The following HOXA6 variants were observed in gnomAD, a reference collection of about 807,000 sequenced individuals.
HOXA6 encodes homeobox A6, also known as homeobox protein Hox-A6.
In HOXA6, 19 loss-of-function variants were observed where a neutral mutation model predicts 23.2. The ratio of observed to expected loss-of-function variants is 0.82; its 90% CI spans 0.57 to 1.20. HOXA6 has a LOEUF of 1.20. HOXA6 is among the 50% of genes most tolerant of loss of function. The pLI, the probability that HOXA6 is intolerant of heterozygous loss-of-function variation, is 0.00. For missense variants in HOXA6, 346 were observed against 313.6 expected (o/e 1.10, Z -0.78); for synonymous variants, 140 against 132.6 (o/e 1.06, Z -0.38).
rs759658560 is a variant in HOXA6, at chr7:27,147,516, A to G, written c.234T>C (p.Cys78=). The G allele has an allele frequency of 1.2e-6, 2 of 1,614,160 alleles. No individual in the cohort carries two copies. The highest frequency in any genetic ancestry group is 8.5e-7 in the Non-Finnish European group (1 of 1,180,042). ...NRASYEYGAS[C]FYSDKDLSGA... ...CACTGAGGTCCTTATCAGAATAGAAACACGAGGCCCCGTACTCGTAGGACG... is the reference window on the plus strand; with the variant it reads ...CACTGAGGTCCTTATCAGAATAGAAGCACGAGGCCCCGTACTCGTAGGACG... Residue 78 remains cysteine (C), a synonymous_variant, in exon 1 of 2, where the codon TGT becomes TGC. Coordinates refer to ENST00000222728, the MANE Select transcript of HOXA6 (RefSeq NM_024014.4).
intron 1 of HOXA6, chr7:27,147,014 CCTCT>C (rs938116188): frequency 2.1e-5 from 10 of 476,440 alleles, no homozygotes; most frequent in South Asian, 7.2e-5. Context: ...TCCCCACCAG[CCTCT>C]CTCTCTCTTC....
At chr7:27,147,043 A>G (rs1782792615) in intron 1 of HOXA6, 1 of 531,924 alleles carries the variant, frequency 1.9e-6, no homozygotes, top group Non-Finnish European at 3.3e-6. Flanking sequence ...TGTCCCTGTC[A>G]CAGGTCTCAT....
Position 27,145,884 on chromosome 7 carries a change from C to G in HOXA6, c.476G>C (p.Arg159Pro). 6.2e-7 allele frequency: 1 copy of G among 1,613,108 alleles called. No homozygotes were observed. The highest frequency in any genetic ancestry group is 8.5e-7 in the Non-Finnish European group (1 of 1,179,648). ...AVYGSHGRRG[R>P]QTYTRYQTLE... The stretch of plus-strand genomic sequence containing the variant: ...TGTCTGGTAGCGCGTGTAGGTCTGG[C>G]GGCCTCGGCGCCCATGGCTCCCATA... The change falls in exon 2 of 2, where the codon CGC (arginine) becomes CCC (proline). Residue 159 changes from arginine to proline, a missense_variant. Arg to Pro is a moderately radical substitution (Grantham distance 103). Coordinates refer to ENST00000222728, the MANE Select transcript of HOXA6 (RefSeq NM_024014.4).
Position 27,147,670 on chromosome 7 carries a change from A to T in HOXA6, c.80T>A (p.Leu27His). Residue 27 changes from leucine to histidine, a missense_variant, in exon 1 of 2, where the codon CTC becomes CAC. Coordinates refer to ENST00000222728, the MANE Select transcript of HOXA6 (RefSeq NM_024014.4). ...GQDSFLGQLP[L>H]YQAGYDALRP... ...CAGCGCGTCATAGCCAGCCTGGTAG[A>T]GGGGCAGCTGGCCCAAGAAGGAGTC... The T allele has an allele frequency of 6.2e-7, 1 of 1,614,052 alleles. No individual in the cohort carries two copies. Among genetic ancestry groups the T allele is most frequent in the Non-Finnish European group, 8.5e-7 (1 of 1,180,030 alleles).
Position 27,145,457 on chromosome 7 carries a change from GTTTTGTTTTGT to G in HOXA6, c.*190_*200del, listed in dbSNP as rs1163412691. 4.7e-6 allele frequency: 1 copy of G among 214,186 alleles called. No individual in the cohort carries two copies. Among genetic ancestry groups the G allele is most frequent in the Non-Finnish European group, 7.5e-6 (1 of 133,132 alleles). The allele number at this position is 214,186 out of a possible 1,614,324, so 13.3% of individuals were successfully genotyped here. On this transcript the variant is annotated 3_prime_UTR_variant, in exon 2 of 2. Coordinates refer to ENST00000222728, the MANE Select transcript of HOXA6 (RefSeq NM_024014.4). ...TTGGCTGTGTGTGAGGTTTTGTTTT[GTTTTGTTTTGT>G]TTTGTTTTGTTTTGTTTTGTTTTGT...
intron 1 of HOXA6, among the ~76,000 whole-genome samples, chr7:27,146,365 C>T (rs576323758): frequency 1.1e-4 from 16 of 152,026 alleles, no homozygotes; most frequent in African/African-American, 2.9e-4. Flanking sequence ...CCAGCCATGT[C>T]GGAACTCAAC....
In HOXA6 at chr7:27,145,602, G is replaced by T; in HGVS notation, c.*56C>A. The T allele has an allele frequency of 6.4e-7, 1 of 1,571,368 alleles. No homozygotes were observed. Among genetic ancestry groups the T allele is most frequent in the Non-Finnish European group, 8.6e-7 (1 of 1,159,240 alleles). ...GAGAAAAGTTGGGGAACAGGCGAGG[G>T]CAAGGGGGCAAAGCCGAAGGAGGTT... On this transcript the variant is annotated 3_prime_UTR_variant, in exon 2 of 2. Coordinates refer to ENST00000222728, the MANE Select transcript of HOXA6 (RefSeq NM_024014.4).
rs1782729018 is a variant in HOXA6, at chr7:27,145,589, G to C, written c.*69C>G. On this transcript the variant is annotated 3_prime_UTR_variant, in exon 2 of 2. Transcript: ENST00000222728. ...GGGAGCAGGCGGGGAGAAAAGTTGG[G>C]GAACAGGCGAGGGCAAGGGGGCAAA... 44 of 1,546,780 alleles carry C rather than the reference G, an allele frequency of 2.8e-5. No individual in the cohort carries two copies. The South Asian group carries it at 5.3e-4, about 19-fold the overall frequency.
Position 27,145,688 on chromosome 7 carries a change from C to T in HOXA6, c.672G>A (p.Gly224=), listed in dbSNP as rs1256656779. ...NKLINSTQPS[G]EDSEAKAGE ...CGCCCGCCTTTGCCTCTGAGTCCTC[C>T]CCGCTGGGCTGCGTGGAATTGATGA... Residue 224 remains glycine, a synonymous_variant, in exon 2 of 2, where the codon GGG becomes GGA. Transcript: ENST00000222728. 1 of 1,614,144 alleles carries T rather than the reference C, an allele frequency of 6.2e-7. No homozygotes were observed. Among genetic ancestry groups the T allele is most frequent in the African/African-American group, 1.3e-5 (1 of 75,072 alleles).
intron 1 of HOXA6, among the ~76,000 whole-genome samples, chr7:27,146,265 G>GTC (rs1463710712): frequency 6.6e-6 from 1 of 151,804 alleles, no homozygotes. Flanking sequence ...GTGTGTGTGT[G>GTC]TGTGTGTGTC....
rs1473889359 is a variant in HOXA6, at chr7:27,145,971, A to C, written c.443-54T>G. 8 of 1,570,802 alleles carry C rather than the reference A, an allele frequency of 5.1e-6. No individual in the cohort carries two copies. In the African/African-American group the frequency reaches 8.1e-5, roughly 16 times the overall value. On this transcript the variant is annotated intron_variant, in intron 1 of 1. Coordinates refer to ENST00000222728, the MANE Select transcript of HOXA6 (RefSeq NM_024014.4). ...AAGCCAGGGCCTGGAGGGTTGACCC[A>C]GTCAGCCCAGTGCCTCCCACAAGAG...
At chr7:27,145,977 C>T in intron 1 of HOXA6, 60 bp from the exon 2 acceptor site, 1 of 1,549,006 alleles carries the variant, frequency 6.5e-7, no homozygotes. Context: ...ACCCAGTCAG[C>T]CCAGTGCCTC....
At position 27,147,416 on chromosome 7, in the gene HOXA6, T is replaced by C; in HGVS notation, c.334A>G (p.Lys112Glu). 1 of 1,614,212 alleles carries C rather than the reference T, an allele frequency of 6.2e-7. No individual in the cohort carries two copies. The highest frequency in any genetic ancestry group is 8.5e-7 in the Non-Finnish European group (1 of 1,180,038). The change falls in exon 1 of 2, where the codon AAA becomes GAA. Residue 112 changes from lysine to glutamate, a missense_variant. Lys to Glu is a moderately conservative substitution (Grantham distance 56). Transcript: ENST00000222728. ...YLHFSPEQQY[K>E]PDSSSGQGKA... ...CCCTGCCCGCTGCTGCTGTCGGGTT[T>C]GTACTGCTGCTCGGGAGAAAAGTGC... is the stretch of plus-strand genomic sequence containing the variant.
In HOXA6 at chr7:27,147,651, G is replaced by C. The variant is rs1416035446; in HGVS notation, c.99C>G (p.Asp33Glu). ...GQLPLYQAGY[D>E]ALRPFPASYG... ...ACGAGGCCGGGAAGGGCCTCAGCGC[G>C]TCATAGCCAGCCTGGTAGAGGGGCA... is the stretch of plus-strand genomic sequence containing the variant. Residue 33 changes from aspartate to glutamate, a missense_variant, in exon 1 of 2, where the codon GAC becomes GAG. By Grantham distance (45) the Asp-to-Glu change is conservative. Transcript: ENST00000222728. 1.2e-6 allele frequency: 2 copies of C among 1,614,086 alleles called. No individual in the cohort carries two copies. Among genetic ancestry groups the C allele is most frequent in the Non-Finnish European group, 1.7e-6 (2 of 1,180,054 alleles).
chr7:27,147,771 T>G lies in HOXA6; in HGVS notation c.-22A>C. Reference sequence around the variant, plus strand: ...TCATTTGCGCGCCCCTCTGCAGGACTGTGATTTGTTGTGTATTAGTACATC... The same window carrying G: ...TCATTTGCGCGCCCCTCTGCAGGACGGTGATTTGTTGTGTATTAGTACATC... On this transcript the variant is annotated 5_prime_UTR_variant, in exon 1 of 2. Transcript: ENST00000222728. 1 of 1,584,874 alleles carries G rather than the reference T, an allele frequency of 6.3e-7. No homozygotes were observed.
rs548014314 is a variant in HOXA6, at chr7:27,146,948, G to A, written c.442+360C>T. Among the ~76,000 whole-genome samples the A allele has an allele frequency of 3.3e-5, 5 of 152,302 alleles. No homozygotes were observed. In the South Asian group the frequency reaches 1.0e-3, roughly 32 times the overall value. Reference sequence around the variant, plus strand: ...ATTTATCAGTGACGCAGTGCAAAAGGCCCTCTGGCTTGGGAAGCTGAGCAG... The same window carrying A: ...ATTTATCAGTGACGCAGTGCAAAAGACCCTCTGGCTTGGGAAGCTGAGCAG... On this transcript the variant is annotated intron_variant, in intron 1 of 1. Coordinates refer to ENST00000222728, the MANE Select transcript of HOXA6 (RefSeq NM_024014.4).
Position 27,145,468 on chromosome 7 carries a change from T to A in HOXA6, c.*190A>T, listed in dbSNP as rs896189264. Reference sequence around the variant, plus strand: ...TGAGGTTTTGTTTTGTTTTGTTTTGTTTTGTTTTGTTTTGTTTTGTTTTGT... The same window carrying A: ...TGAGGTTTTGTTTTGTTTTGTTTTGATTTGTTTTGTTTTGTTTTGTTTTGT... On this transcript the variant is annotated 3_prime_UTR_variant, in exon 2 of 2. Coordinates refer to ENST00000222728, the MANE Select transcript of HOXA6 (RefSeq NM_024014.4). 71 of 718,362 alleles carry A rather than the reference T, an allele frequency of 9.9e-5. 3 individuals carry two copies. Among genetic ancestry groups the A allele is most frequent in the Non-Finnish European group, 1.5e-4 (67 of 436,464 alleles). The allele number at this position is 718,362 out of a possible 1,614,324, so 44.5% of individuals were successfully genotyped here.
Position 27,147,402 on chromosome 7 carries a change from G to T in HOXA6, c.348C>A (p.Ser116Arg). 6.2e-7 allele frequency: 1 copy of T among 1,614,246 alleles called. No individual in the cohort carries two copies. The highest frequency in any genetic ancestry group is 8.5e-7 in the Non-Finnish European group (1 of 1,180,050). The change falls in exon 1 of 2, where the codon AGC becomes AGA. Residue 116 changes from serine to arginine, a missense_variant. Ser to Arg is a moderately radical substitution (Grantham distance 110). Coordinates refer to ENST00000222728, the MANE Select transcript of HOXA6 (RefSeq NM_024014.4). Reference sequence around the variant, plus strand: ...CATGGAGTGCTTTGCCCTGCCCGCTGCTGCTGTCGGGTTTGTACTGCTGCT... The same window carrying T: ...CATGGAGTGCTTTGCCCTGCCCGCTTCTGCTGTCGGGTTTGTACTGCTGCT... ...SPEQQYKPDS[S>R]SGQGKALHDE...
At chr7:27,146,383 T>C (rs895906557) in intron 1 of HOXA6, among the ~76,000 whole-genome samples, 102 of 152,168 alleles carry the variant, frequency 6.7e-4, no homozygotes, top group Non-Finnish European at 1.3e-4. Flanking sequence ...AACACATTTT[T>C]TGAAGAGTTA....
Sources: gnomAD v4.1 joint callset for allele counts (sites outside exome capture counted in the v4.1 genomes callset) on GRCh38, gnomAD v4.1.1 for gene constraint, MANE v1.5 for transcripts, NCBI Gene and HGNC (gene_info 2026-07-23, HGNC 2026-07-21) for gene names.